The following BTG4 variants were observed in gnomAD, a reference collection of about 807,000 sequenced individuals.
BTG4 encodes the protein protein BTG4.
A neutral mutation model predicts 19.3 loss-of-function variants in BTG4; 10 were observed. The observed-to-expected ratio is 0.52, with a 90% CI of 0.32 to 0.88. The LOEUF (loss-of-function observed/expected upper bound fraction) is 0.88, where lower values mean the gene tolerates loss of function less well. BTG4 is among the 40% of genes least tolerant of loss of function. The pLI, the probability that BTG4 is intolerant of heterozygous loss-of-function variation, is 0.04. For synonymous variants in BTG4, 91 were observed against 95.7 expected (o/e 0.95, Z 0.29); for missense variants, 238 against 281.9 (o/e 0.84, Z 1.11).
chr11:111,428,001 G>A, the BTG4 span, among the ~76,000 whole-genome samples: 2 of 152,136 alleles, frequency 1.3e-5, no homozygotes, highest in Non-Finnish European at 2.9e-5. Flanking sequence ...CCTGCTTGCC[G>A]ACAAGCCCCC....
chr11:111,507,053 TA>T (rs1281905609), intron 1 of BTG4, among the ~76,000 whole-genome samples: 3 of 151,646 alleles, frequency 2.0e-5, no homozygotes, highest in African/African-American at 7.3e-5. Flanking sequence ...ATTTTTTAAC[TA>T]AATATAAGTT....
chr11:111,495,829 C>A (rs1429660658), intron 4 of BTG4, among the ~76,000 whole-genome samples: 1 of 152,186 alleles, frequency 6.6e-6, no homozygotes, highest in Non-Finnish European at 1.5e-5. Context: ...CACTCAACAA[C>A]CTCGATAGGT....
the BTG4 span, among the ~76,000 whole-genome samples, chr11:111,451,695 TG>T: frequency 6.6e-6 from 1 of 151,230 alleles, no homozygotes; most frequent in Admixed American, 6.6e-5. Context: ...ACCCGGGAGG[TG>T]GAGATTGCAG....
At chr11:111,472,056 T>A (rs539654870) in intron 5 of BTG4, among the ~76,000 whole-genome samples, 20 of 152,340 alleles carry the variant, frequency 1.3e-4, no homozygotes, top group African/African-American at 4.6e-4. Flanking sequence ...ATTACTATAA[T>A]CCTTACTAAT....
At chr11:111,485,511 G>A (rs1448595324) in intron 5 of BTG4, among the ~76,000 whole-genome samples, 1 of 152,000 alleles carries the variant, frequency 6.6e-6, no homozygotes, top group Non-Finnish European at 1.5e-5. Context: ...CCGACCATGA[G>A]GTCAATGAAG....
chr11:111,455,549 T>G, the BTG4 span: 1 of 250,602 alleles, frequency 4.0e-6, no homozygotes, highest in South Asian at 4.4e-5. Context: ...TGAGGGAGGT[T>G]CAGCAGCAGT....
At chr11:111,466,220 C>G (rs1019972625), downstream of BTG4, among the ~76,000 whole-genome samples, 1 of 152,176 alleles carries the variant, frequency 6.6e-6, no homozygotes, top group Non-Finnish European at 1.5e-5. Context: ...CACAGGTCTT[C>G]TGACTGCTAC....
At chr11:111,499,191 G>A (rs1442765026) in intron 1 of BTG4, among the ~76,000 whole-genome samples, 1 of 152,186 alleles carries the variant, frequency 6.6e-6, no homozygotes, top group Non-Finnish European at 1.5e-5. Flanking sequence ...ATTCCAAAAT[G>A]TGGCTCCAAG....
At chr11:111,394,785 C>A in the BTG4 span, among the ~76,000 whole-genome samples, 1 of 152,154 alleles carries the variant, frequency 6.6e-6, no homozygotes, top group Non-Finnish European at 1.5e-5. Flanking sequence ...GTAACTGACA[C>A]CAGGAAATCA....
At chr11:111,496,187 A>G (rs952680144) in intron 4 of BTG4, among the ~76,000 whole-genome samples, 2 of 152,246 alleles carry the variant, frequency 1.3e-5, no homozygotes, top group Non-Finnish European at 2.9e-5. Context: ...ACTGTATTAT[A>G]TATGCATATC....
chr11:111,432,042 G>T, the BTG4 span, among the ~76,000 whole-genome samples: 1 of 152,210 alleles, frequency 6.6e-6, no homozygotes, highest in African/African-American at 2.4e-5. Context: ...CAGCACATCA[G>T]TGCAAATCAG....
the BTG4 span, among the ~76,000 whole-genome samples, chr11:111,442,855 G>A: frequency 1.3e-5 from 2 of 152,152 alleles, no homozygotes; most frequent in South Asian, 2.1e-4. Context: ...ACTTGCATTC[G>A]ATTAACTTAC....
At chr11:111,477,791 C>A (rs1426873643) in intron 5 of BTG4, among the ~76,000 whole-genome samples, 1 of 152,020 alleles carries the variant, frequency 6.6e-6, no homozygotes, top group Non-Finnish European at 1.5e-5. Flanking sequence ...GCGAAAGGAC[C>A]AGGAAAGGGA....
chr11:111,498,948 G>A (rs1415476378), intron 1 of BTG4, 146 bp from the exon 2 acceptor site: 2 of 546,918 alleles, frequency 3.7e-6, no homozygotes, highest in African/African-American at 2.0e-5. Flanking sequence ...AACTAGGTAA[G>A]TACATGAACA....
the BTG4 span, among the ~76,000 whole-genome samples, chr11:111,395,628 T>A: frequency 6.6e-6 from 1 of 152,254 alleles, no homozygotes; most frequent in Admixed American, 6.5e-5. Context: ...CTTTTCTTTT[T>A]CAAATAAATT....
chr11:111,404,781 T>C, the BTG4 span: 2 of 412,440 alleles, frequency 4.8e-6, no homozygotes, highest in Admixed American at 2.7e-5. Context: ...AGCTTTGATA[T>C]AAAGACCAGG....
chr11:111,440,028 C>T, the BTG4 span, among the ~76,000 whole-genome samples: 1,117 of 152,310 alleles, frequency 7.3e-3, 13 homozygotes, highest in African/African-American at 0.026. Context: ...AGTTCAGAAA[C>T]CTGTTCAGGG....
chr11:111,423,668 TG>T, the BTG4 span, among the ~76,000 whole-genome samples: 830 of 152,328 alleles, frequency 5.4e-3, 6 homozygotes, highest in Middle Eastern at 0.024. Flanking sequence ...ATAACATGCT[TG>T]GTTCTCAAAG....
At chr11:111,389,593 A>G in the BTG4 span, among the ~76,000 whole-genome samples, 145 of 152,374 alleles carry the variant, frequency 9.5e-4, no homozygotes, top group Non-Finnish European at 1.6e-3. Context: ...AATATAGAAA[A>G]GACTCTATAA....
Sources: allele counts gnomAD v4.1 joint callset (sites outside exome capture counted in the v4.1 genomes callset), GRCh38; gene constraint gnomAD v4.1.1; transcripts MANE v1.5; gene names NCBI Gene and HGNC (gene_info 2026-07-23, HGNC 2026-07-21).